Variants in TMEM201 observed in about 807,000 individuals in gnomAD.
TMEM201 encodes the protein transmembrane protein 201, also known as RP13-15M17.2.
TMEM201 carries 26 observed loss-of-function variants against 63.4 expected under a neutral mutation model. That is an observed-to-expected ratio of 0.41 (90% confidence interval 0.30 to 0.57). TMEM201 has a LOEUF of 0.57. TMEM201 is among the 20% of genes least tolerant of loss of function. The pLI is 0.29. For missense variants in TMEM201, 794 were observed against 917.7 expected, an observed-to-expected ratio of 0.87 and a Z score of 1.74; for synonymous variants, 417 against 421.6, an observed-to-expected ratio of 0.99 and a Z score of 0.14.
rs1240903333 is a variant in TMEM201 at position 9,598,437 on chromosome 1, C to G, written c.430-12C>G. 1 of 1,604,626 alleles carries G rather than the reference C, an allele frequency of 6.2e-7. No homozygotes were observed. Among genetic ancestry groups the G allele is most frequent in the Non-Finnish European group, 8.5e-7 (1 of 1,172,430 alleles). ...CCCTGCAGATGCCGAGCCTGTTCCC[C>G]CAACCCCACAGGGCAGGTATGACGA... is the stretch of plus-strand genomic sequence containing the variant. On this transcript the variant is annotated splice_polypyrimidine_tract_variant and intron_variant, in intron 3 of 10. Coordinates refer to ENST00000340381, the MANE Select transcript of TMEM201 (RefSeq NM_001130924.3).
chr1:9,594,259 T>C (rs964753559), intron 1 of TMEM201, among the ~76,000 whole-genome samples: 2 of 152,236 alleles, frequency 1.3e-5, no homozygotes, highest in Admixed American at 1.3e-4. Flanking sequence ...TCTGCAGGCC[T>C]TGCCCGCTGT....
At chr1:9,606,006 G>T (rs1057212942) in intron 6 of TMEM201, among the ~76,000 whole-genome samples, 1 of 152,140 alleles carries the variant, frequency 6.6e-6, no homozygotes, top group Admixed American at 6.5e-5. Flanking sequence ...GAAGCCTAGC[G>T]CAGAGCCCTG....
rs1234273230 is a variant in TMEM201 at position 9,604,609 on chromosome 1, T to C, written c.1160+2337T>C. ...TTCTAGGGTCTGGCTGGGGTCATCC[T>C]AGGTATGGGTGACCGTCCCTGAGAC... On this transcript the variant is annotated intron_variant, in intron 6 of 10. Coordinates refer to ENST00000340381, the MANE Select transcript of TMEM201 (RefSeq NM_001130924.3). The surrounding 1 kb of genome is among the most constrained non-coding windows in gnomAD (Gnocchi z 4.1). The C allele has an allele frequency of 1.0e-6, 1 of 985,424 alleles. No individual in the cohort carries two copies. The highest frequency in any genetic ancestry group is 1.2e-6 in the Non-Finnish European group (1 of 829,916). 61.0% of individuals were successfully genotyped at this position (985,424 alleles called of 1,614,324 possible). A position where few individuals can be genotyped will look rare whatever the true frequency, so the allele number is the denominator to read the frequency against.
In TMEM201 at chr1:9,603,719, G is replaced by T; in HGVS notation, c.1160+1447G>T. ...TCTGCCACGCCTGGGGGTCCTAGAG[G>T]CTGCCCCACCCCAGTGATTGGGTAG... On this transcript the variant is annotated intron_variant, in intron 6 of 10. Coordinates refer to ENST00000340381, the MANE Select transcript of TMEM201 (RefSeq NM_001130924.3). This position sits in a 1 kb window ranked among gnomAD's most constrained non-coding sequence, Gnocchi z 4.5. 1 of 985,478 alleles carries T rather than the reference G, an allele frequency of 1.0e-6. No individual in the cohort carries two copies. The highest frequency in any genetic ancestry group is 1.2e-6 in the Non-Finnish European group (1 of 829,938). 61.0% of individuals were successfully genotyped at this position (985,478 alleles called of 1,614,324 possible).
intron 1 of TMEM201, among the ~76,000 whole-genome samples, chr1:9,594,266 C>T (rs950651154): frequency 6.6e-6 from 1 of 152,260 alleles, no homozygotes; most frequent in Non-Finnish European, 1.5e-5. Context: ...GCCTTGCCCG[C>T]TGTCTCCATG....
chr1:9,602,301 G>T (rs1242122931), intron 6 of TMEM201, 29 bp downstream of exon 6: 4 of 1,607,150 alleles, frequency 2.5e-6, no homozygotes, highest in Non-Finnish European at 3.4e-6. Flanking sequence ...ACTGCGGGGG[G>T]AGGACACACG....
At chr1:9,600,105 G>A (rs1227298085) in intron 4 of TMEM201, among the ~76,000 whole-genome samples, 1 of 152,096 alleles carries the variant, frequency 6.6e-6, no homozygotes, top group Non-Finnish European at 1.5e-5. Flanking sequence ...GCTGCAGACT[G>A]GAAACCACAT....
intron 1 of TMEM201, among the ~76,000 whole-genome samples, chr1:9,595,188 G>T (rs1428294365): frequency 6.6e-6 from 1 of 152,166 alleles, no homozygotes; most frequent in Non-Finnish European, 1.5e-5. Context: ...GGTGGGTAGA[G>T]GGGGGCCCAG....
In TMEM201 at chr1:9,598,523, A is replaced by G. The variant is rs2100476365; in HGVS notation, c.504A>G (p.Gln168=). Reference sequence around the variant, plus strand: ...TGTACAAGCTGTGCCGGCCGTGCCAAGCGGCTGTGGAGTACTACATCAAGC... The same window carrying G: ...TGTACAAGCTGTGCCGGCCGTGCCAGGCGGCTGTGGAGTACTACATCAAGC... The part of the protein sequence containing the change: ...EQMYKLCRPC[Q]AAVEYYIKHQ... Residue 168 remains glutamine, a synonymous_variant, in exon 4 of 11, where the codon CAA becomes CAG. Transcript: ENST00000340381. The G allele has an allele frequency of 1.9e-6, 3 of 1,613,950 alleles. No homozygotes were observed. The highest frequency in any genetic ancestry group is 2.5e-6 in the Non-Finnish European group (3 of 1,180,028).
chr1:9,592,366 T>C (rs1415538025), intron 1 of TMEM201, among the ~76,000 whole-genome samples: 1 of 152,208 alleles, frequency 6.6e-6, no homozygotes, highest in Non-Finnish European at 1.5e-5. Flanking sequence ...CAGCACACAG[T>C]GTCCCAGGTC....
intron 1 of TMEM201, among the ~76,000 whole-genome samples, chr1:9,592,346 G>A (rs148346193): frequency 5.9e-5 from 9 of 152,278 alleles, no homozygotes; most frequent in Non-Finnish European, 1.0e-4. Flanking sequence ...TTCCAACCCC[G>A]CACTGGGGCC....
In TMEM201 at chr1:9,603,171, G is replaced by A. The variant is rs898718051; in HGVS notation, c.1160+899G>A. ...GCAGGTGCCTGCTCACCATGGCCCA[G>A]CGCCACTCTGTCCTCCGACTCAGGT... On this transcript the variant is annotated intron_variant, in intron 6 of 10. Transcript: ENST00000340381. This position sits in a 1 kb window ranked among gnomAD's most constrained non-coding sequence, Gnocchi z 4.5. 1 of 985,484 alleles carries A rather than the reference G, an allele frequency of 1.0e-6. No individual in the cohort carries two copies. The highest frequency in any genetic ancestry group is 6.1e-5 in the Admixed American group (1 of 16,266). 61.0% of individuals were successfully genotyped at this position (985,484 alleles called of 1,614,324 possible).
At chr1:9,592,201 G>GAGGCCTCTTCTCTGGTCCTTC (rs1157668988) in intron 1 of TMEM201, among the ~76,000 whole-genome samples, 1 of 151,952 alleles carries the variant, frequency 6.6e-6, no homozygotes, top group East Asian at 1.9e-4. Context: ...TGAAGCCCAG[G>GAGGCCTCTTCTCTGGTCCTTC]AGGCCTCTTC....
chr1:9,603,031 G>C lies in TMEM201; in HGVS notation c.1160+759G>C, dbSNP rs1644176607. 1 of 985,464 alleles carries C rather than the reference G, an allele frequency of 1.0e-6. No individual in the cohort carries two copies. Among genetic ancestry groups the C allele is most frequent in the Admixed American group, 6.1e-5 (1 of 16,276 alleles). The allele number at this position is 985,464 out of a possible 1,614,324, so 61.0% of individuals were successfully genotyped here. A position where few individuals can be genotyped will look rare whatever the true frequency, so the allele number is the denominator to read the frequency against. ...CACCTGAGACAGGCAGTAGGAGCCTGTGCTGACCTTGGGGAATCTGAGCTT... is the reference window on the plus strand; with the variant it reads ...CACCTGAGACAGGCAGTAGGAGCCTCTGCTGACCTTGGGGAATCTGAGCTT... On this transcript the variant is annotated intron_variant, in intron 6 of 10. Coordinates refer to ENST00000340381, the MANE Select transcript of TMEM201 (RefSeq NM_001130924.3). The surrounding 1 kb of genome is among the most constrained non-coding windows in gnomAD (Gnocchi z 4.5).
At position 9,607,715 on chromosome 1, in the gene TMEM201, C is replaced by T. The variant is rs1326892858; in HGVS notation, c.1319C>T (p.Thr440Ile). The T allele has an allele frequency of 6.4e-7, 1 of 1,551,844 alleles. No homozygotes were observed. Among genetic ancestry groups the T allele is most frequent in the African/African-American group, 1.4e-5 (1 of 73,174 alleles). ...NQQLFRSPRR[T>I]SPSSLPGRLS... The stretch of plus-strand genomic sequence containing the variant: ...CAGCTCTTCCGGTCTCCTCGACGGA[C>T]CTCACCCTCCTCATTGCCTGGCCGC... The change falls in exon 7 of 11, where the codon ACC (threonine) becomes ATC (isoleucine). Residue 440 changes from threonine to isoleucine, a missense_variant. Transcript: ENST00000340381. The surrounding 1 kb of genome is among the most constrained non-coding windows in gnomAD (Gnocchi z 5.4).
chr1:9,601,370 C>A lies in TMEM201; in HGVS notation c.872C>A (p.Ala291Asp). ...HMAEKLCEAW[A>D]FGQSHQTGVV... ...GCGGAGAAGCTGTGTGAGGCCTGGGCCTTTGGGCAGAGCCACCAGACGGGC... is the reference window on the plus strand; with the variant it reads ...GCGGAGAAGCTGTGTGAGGCCTGGGACTTTGGGCAGAGCCACCAGACGGGC... Residue 291 changes from alanine to aspartate, a missense_variant, in exon 5 of 11, where the codon GCC (alanine) becomes GAC (aspartate). Transcript: ENST00000340381. 6.2e-7 allele frequency: 1 copy of A among 1,606,352 alleles called. No homozygotes were observed.
At chr1:9,592,728 G>C (rs143372524) in intron 1 of TMEM201, among the ~76,000 whole-genome samples, 1 of 123,364 alleles carries the variant, frequency 8.1e-6, no homozygotes, top group Admixed American at 8.7e-5. Flanking sequence ...GCTTGTGGAC[G>C]GGGCAGGTAC....
In TMEM201 at chr1:9,601,114, T is replaced by G. The variant is rs765052560; in HGVS notation, c.616T>G (p.Ser206Ala). Residue 206 changes from serine (S) to alanine (A), a missense_variant, in exon 5 of 11, where the codon TCC becomes GCC. Ser to Ala is a moderately conservative substitution (Grantham distance 99). Coordinates refer to ENST00000340381, the MANE Select transcript of TMEM201 (RefSeq NM_001130924.3). ...TCTTCCTCCTTTGCAGAACTTCTCC[T>G]CCGCCGTGAAGTCCCCGGTCCAGGT... is the stretch of plus-strand genomic sequence containing the variant. ...ADQTHAQNFSSAVKSPVQVIL... is the reference protein window; with the variant it reads ...ADQTHAQNFSAAVKSPVQVIL... The G allele has an allele frequency of 7.6e-6, 12 of 1,586,376 alleles. No homozygotes were observed. Among genetic ancestry groups the G allele is most frequent in the South Asian group, 1.1e-5 (1 of 89,156 alleles).
chr1:9,591,370 C>T (rs1209690818), intron 1 of TMEM201, among the ~76,000 whole-genome samples: 1 of 152,254 alleles, frequency 6.6e-6, no homozygotes, highest in Non-Finnish European at 1.5e-5. Context: ...CTTGTCAGCC[C>T]AGCTTCAACC....
Sources: gnomAD v4.1 joint callset for allele counts (sites outside exome capture counted in the v4.1 genomes callset) on GRCh38, gnomAD v4.1.1 for gene constraint, Gnocchi (gnomAD v3.1) non-coding constraint, MANE v1.5 for transcripts, NCBI Gene and HGNC (gene_info 2026-07-23, HGNC 2026-07-21) for gene names.